FAM227B: variants seen among roughly 807,000 people sequenced by gnomAD.
FAM227B encodes family with sequence similarity 227 member B.
Under a neutral mutation model 73.8 loss-of-function variants are expected in FAM227B, and 88 were observed. The ratio of observed to expected loss-of-function variants is 1.19; its 90% confidence interval spans 1.00 to 1.42. The LOEUF (loss-of-function observed/expected upper bound fraction) is 1.42. Ranked by LOEUF, FAM227B falls within the 40% of genes most tolerant of loss-of-function variation. The pLI, the probability that FAM227B is intolerant of heterozygous loss-of-function variation, is 0.00. For missense variants in FAM227B, 632 were observed against 590.9 expected (o/e 1.07, Z -0.72); for synonymous variants, 210 against 190.5 (o/e 1.10, Z -0.84).
chr15:49,353,834 T>G (rs1000733887), intron 13 of FAM227B: 2 of 152,208 alleles, frequency 1.3e-5, no homozygotes, highest in African/African-American at 4.8e-5. Flanking sequence ...AAAATGTGAT[T>G]GCATTACTAG....
In FAM227B at chr15:49,507,737, A is replaced by AC. The variant is rs200915288; in HGVS notation, c.1012+473dup. On this transcript the variant is annotated intron_variant, in intron 11 of 15. Coordinates refer to ENST00000299338, the MANE Select transcript of FAM227B (RefSeq NM_152647.3). ...TAAACGGATCATTTGGAAAAAAAAA[A>AC]CCCATCATATTGGAATACAACTATG... Among the ~76,000 whole-genome samples the AC allele has an allele frequency of 8.6e-5, 13 of 151,602 alleles. No individual in the cohort carries two copies. In the East Asian group the frequency reaches 1.4e-3, roughly 16 times the overall value.
intron 11 of FAM227B, among the ~76,000 whole-genome samples, chr15:49,457,675 T>C (rs1292122842): frequency 6.6e-6 from 1 of 151,854 alleles, no homozygotes; most frequent in African/African-American, 2.4e-5. Flanking sequence ...TGGTCCCAGG[T>C]CCCAGTGACA....
At chr15:49,541,923 A>G (rs2071128279) in intron 9 of FAM227B, 117 bp from the exon 10 acceptor site, 2 of 835,382 alleles carry the variant, frequency 2.4e-6, no homozygotes, top group Non-Finnish European at 3.2e-6. Context: ...CCGAATAAAA[A>G]TTCGCCATTT....
At chr15:49,376,304 G>T (rs1203753969) in intron 11 of FAM227B, among the ~76,000 whole-genome samples, 3 of 151,810 alleles carry the variant, frequency 2.0e-5, no homozygotes, top group African/African-American at 7.3e-5. Context: ...TTTGTATATT[G>T]TGTGAGGTAC....
Position 49,328,203 on chromosome 15 carries a change from A to C in FAM227B, c.*365T>G, listed in dbSNP as rs2037867533. On this transcript the variant is annotated 3_prime_UTR_variant, in exon 16 of 16. Coordinates refer to ENST00000299338, the MANE Select transcript of FAM227B (RefSeq NM_152647.3). ...AGAGAAACTACTTAGGGCACTTAGG[A>C]ATTGGCAGGACTTTCTGTGCCACAG... 1 of 1,568,692 alleles carries C rather than the reference A, an allele frequency of 6.4e-7. No individual in the cohort carries two copies. The highest frequency in any genetic ancestry group is 1.4e-5 in the African/African-American group (1 of 73,766).
intron 3 of FAM227B, among the ~76,000 whole-genome samples, chr15:49,608,175 C>T (rs2077645324): frequency 6.6e-6 from 1 of 152,092 alleles, no homozygotes; most frequent in Non-Finnish European, 1.5e-5. Flanking sequence ...AGTTTTTGTT[C>T]CCTAAGGAGT....
chr15:49,571,691 T>G (rs191135963), intron 8 of FAM227B, among the ~76,000 whole-genome samples: 7 of 152,106 alleles, frequency 4.6e-5, no homozygotes, highest in African/African-American at 1.7e-4. Context: ...CTCTTTTCTG[T>G]TCTATGCGTA....
rs2074822782 is a variant in FAM227B, at chr15:49,568,319, A to G, written c.673T>C (p.Phe225Leu). 6.2e-7 allele frequency: 1 copy of G among 1,611,360 alleles called. No homozygotes were observed. The highest frequency in any genetic ancestry group is 1.3e-5 in the African/African-American group (1 of 74,938). The change falls in exon 9 of 16, where the codon TTC becomes CTC. Residue 225 changes from phenylalanine to leucine, a missense_variant. Physicochemically the swap from Phe to Leu is conservative, Grantham distance 22 (BLOSUM62 0). Coordinates refer to ENST00000299338, the MANE Select transcript of FAM227B (RefSeq NM_152647.3). ...ACATAACTTTCTGAAATTCTATCGA[A>G]TAAGCAATCTTGGTTTTCTCTGTCA... ...RPDRENQDCL[F>L]DRISESYVTL...
At chr15:49,470,832 T>A (rs1233117808) in intron 11 of FAM227B, among the ~76,000 whole-genome samples, 2 of 152,216 alleles carry the variant, frequency 1.3e-5, no homozygotes, top group Admixed American at 1.3e-4. Context: ...GAAGTAGAAA[T>A]GCAGTGACAA....
At chr15:49,478,215 C>T (rs564502204) in intron 11 of FAM227B, among the ~76,000 whole-genome samples, 8 of 152,236 alleles carry the variant, frequency 5.3e-5, no homozygotes, top group East Asian at 1.9e-4. Context: ...TAATGGCCTC[C>T]GGCTGCATCC....
chr15:49,532,994 T>C (rs1567507152), intron 10 of FAM227B, among the ~76,000 whole-genome samples: 1 of 151,990 alleles, frequency 6.6e-6, no homozygotes, highest in Non-Finnish European at 1.5e-5. Context: ...TTTAAAACAG[T>C]TTGTGGTGCA....
At chr15:49,437,075 C>A (rs1050766856) in intron 11 of FAM227B, among the ~76,000 whole-genome samples, 2 of 151,496 alleles carry the variant, frequency 1.3e-5, no homozygotes, top group Non-Finnish European at 3.0e-5. Flanking sequence ...TAAACACATT[C>A]CTGACATTTA....
At position 49,396,791 on chromosome 15, in the gene FAM227B, C is replaced by A. The variant is rs2047698118; in HGVS notation, c.1013-25392G>T. Among the ~76,000 whole-genome samples, 3 of 150,360 alleles carry A rather than the reference C, an allele frequency of 2.0e-5. No individual in the cohort carries two copies. In the South Asian group the frequency reaches 6.3e-4, roughly 32 times the overall value. Reference sequence around the variant, plus strand: ...ACAGACCTGCGGCTGAGGGTCCTGTCTGTTAGAAGGAAAACTAACAAACAG... The same window carrying A: ...ACAGACCTGCGGCTGAGGGTCCTGTATGTTAGAAGGAAAACTAACAAACAG... On this transcript the variant is annotated intron_variant, in intron 11 of 15. Coordinates refer to ENST00000299338, the MANE Select transcript of FAM227B (RefSeq NM_152647.3).
At chr15:49,471,425 G>A (rs2054740140) in intron 11 of FAM227B, among the ~76,000 whole-genome samples, 1 of 151,286 alleles carries the variant, frequency 6.6e-6, no homozygotes, top group Admixed American at 6.6e-5. Context: ...GGAGGTTGTA[G>A]TGCACCTAGA....
intron 12 of FAM227B, among the ~76,000 whole-genome samples, chr15:49,370,352 G>GTGTT (rs1268209907): frequency 2.0e-5 from 3 of 152,222 alleles, no homozygotes; most frequent in Admixed American, 1.3e-4. Flanking sequence ...ACCATTTTTA[G>GTGTT]TGTTTGCTGA....
At position 49,392,766 on chromosome 15, in the gene FAM227B, T is replaced by A. The variant is rs137862646; in HGVS notation, c.1013-21367A>T. ...TATTATAGTTGCTTAATGAATGACA[T>A]GAGTGATGTGGCTTTACCCCTTAAG... On this transcript the variant is annotated intron_variant, in intron 11 of 15. Coordinates refer to ENST00000299338, the MANE Select transcript of FAM227B (RefSeq NM_152647.3). Among the ~76,000 whole-genome samples the A allele has an allele frequency of 3.3e-3, 502 of 152,326 alleles. 2 individuals carry two copies. Among genetic ancestry groups the A allele is most frequent in the Non-Finnish European group, 4.5e-3 (307 of 68,028 alleles).
At chr15:49,459,007 C>G (rs1477141106) in intron 11 of FAM227B, among the ~76,000 whole-genome samples, 1 of 152,148 alleles carries the variant, frequency 6.6e-6, no homozygotes, top group Non-Finnish European at 1.5e-5. Flanking sequence ...TCCTTCATTT[C>G]TATTAAAAAA....
chr15:49,600,563 G>A (rs1222553596), intron 3 of FAM227B, among the ~76,000 whole-genome samples: 3 of 150,400 alleles, frequency 2.0e-5, no homozygotes, highest in Non-Finnish European at 4.4e-5. Context: ...CTGAGGCAGG[G>A]AGAATCTCTT....
At chr15:49,481,659 T>C (rs567455833) in intron 11 of FAM227B, among the ~76,000 whole-genome samples, 1 of 152,340 alleles carries the variant, frequency 6.6e-6, no homozygotes, top group African/African-American at 2.4e-5. Flanking sequence ...TTTTAACTTC[T>C]GGTGTCAGAA....
Sources: gnomAD v4.1 joint callset for allele counts (sites outside exome capture counted in the v4.1 genomes callset) on GRCh38, gnomAD v4.1.1 for gene constraint, MANE v1.5 for transcripts, NCBI Gene and HGNC (gene_info 2026-07-23, HGNC 2026-07-21) for gene names.